Variants in RMST observed in about 807,000 individuals in gnomAD.
RMST encodes rhabdomyosarcoma 2 associated transcript.
chr12:97,488,002 C>CT (rs1327241435), intron 5 of RMST, among the ~76,000 whole-genome samples: 1 of 152,200 alleles, frequency 6.6e-6, no homozygotes, highest in African/African-American at 2.4e-5. Context: ...GCTGCTCACT[C>CT]TGTGAGACTT....
intron 11 of RMST, among the ~76,000 whole-genome samples, chr12:97,531,376 A>C (rs1881609255): frequency 6.6e-6 from 1 of 152,178 alleles, no homozygotes; most frequent in Admixed American, 6.5e-5. Context: ...TTTTAAAACA[A>C]CATTTATAAA....
chr12:97,543,224 C>T lies in RMST; in HGVS notation n.1545+12365C>T, dbSNP rs186351899. On this transcript the variant is annotated intron_variant and non_coding_transcript_variant, in intron 11 of 13. Transcript: ENST00000640149. ...GAAGCAGTTACTTAGAATGTCAGCA[C>T]GAGCATTCCTTCCAGGAGGAAAGCA... Among the ~76,000 whole-genome samples the T allele has an allele frequency of 3.5e-3, 532 of 152,112 alleles. 2 individuals are homozygous for T. The highest frequency in any genetic ancestry group is 7.9e-3 in the Admixed American group (121 of 15,252).
chr12:97,486,056 A>T (rs913281555), intron 5 of RMST, among the ~76,000 whole-genome samples: 6 of 152,226 alleles, frequency 3.9e-5, no homozygotes, highest in African/African-American at 1.4e-4. Flanking sequence ...TATTTATTCT[A>T]CAATACTAGC....
At chr12:97,467,360 A>C (rs1873320341) in intron 5 of RMST, among the ~76,000 whole-genome samples, 2 of 152,042 alleles carry the variant, frequency 1.3e-5, no homozygotes, top group Admixed American at 1.3e-4. Flanking sequence ...ATCAATTTTC[A>C]TGTAAGTCAA....
chr12:97,563,483 AT>A (rs539477837), intron 13 of RMST: 218 of 256,156 alleles, frequency 8.5e-4, no homozygotes, highest in African/African-American at 4.8e-3. Flanking sequence ...TGCATCAGTG[AT>A]TTGTCTGTCT....
In RMST at chr12:97,486,849, G is replaced by T. The variant is rs1431261300; in HGVS notation, n.645-5612G>T. 2.0e-5 allele frequency among the ~76,000 whole-genome samples: 3 copies of T among 152,162 alleles called. No homozygotes were observed. The East Asian group carries it at 5.8e-4, about 29-fold the overall frequency. On this transcript the variant is annotated intron_variant and non_coding_transcript_variant, in intron 5 of 13. Coordinates refer to ENST00000640149, the Ensembl canonical transcript of RMST. ...ATTCTGTCAACATTCTGGAACGACT[G>T]TAATTTTGCACAATCAAGCAAAATG...
At chr12:97,476,678 C>T (rs557411482) in intron 5 of RMST, among the ~76,000 whole-genome samples, 2 of 152,122 alleles carry the variant, frequency 1.3e-5, no homozygotes, top group Admixed American at 6.5e-5. Context: ...TTGCATAATA[C>T]TTTCTATTTT....
At chr12:97,540,891 ATC>A (rs767488055) in intron 11 of RMST, among the ~76,000 whole-genome samples, 12 of 151,496 alleles carry the variant, frequency 7.9e-5, no homozygotes, top group Admixed American at 3.3e-4. Context: ...AAAATTTCCA[ATC>A]ACTGTGAGTG....
intron 5 of RMST, among the ~76,000 whole-genome samples, chr12:97,490,934 C>CA (rs1876726013): frequency 6.6e-6 from 1 of 151,698 alleles, no homozygotes; most frequent in Non-Finnish European, 1.5e-5. Context: ...TTGGGATTGG[C>CA]AAAAAAAGAA....
At chr12:97,480,196 TCTCTTGCCTC>T (rs1290243643) in intron 5 of RMST, among the ~76,000 whole-genome samples, 1 of 151,682 alleles carries the variant, frequency 6.6e-6, no homozygotes, top group Non-Finnish European at 1.5e-5. Context: ...TTCATGCCAT[TCTCTTGCCTC>T]AGCCTCCCGA....
chr12:97,516,292 C>G (rs905381292), intron 10 of RMST, among the ~76,000 whole-genome samples: 9 of 151,944 alleles, frequency 5.9e-5, no homozygotes, highest in Non-Finnish European at 1.2e-4. Flanking sequence ...GTTTGTAAAC[C>G]ATGGCTTTGA....
chr12:97,551,832 G>A (rs888273447), intron 11 of RMST: 5 of 152,202 alleles, frequency 3.3e-5, no homozygotes, highest in African/African-American at 1.2e-4. Context: ...CCCCACATAG[G>A]AACGACTATG....
chr12:97,530,991 A>G (rs1387125167), intron 11 of RMST: 2 of 141,204 alleles, frequency 1.4e-5, no homozygotes, highest in Non-Finnish European at 3.1e-5. Context: ...GGGCATTTAT[A>G]GCATATTCTC....
intron 5 of RMST, among the ~76,000 whole-genome samples, chr12:97,482,836 AATTT>A (rs1254958216): frequency 6.8e-6 from 1 of 146,306 alleles, no homozygotes; most frequent in Non-Finnish European, 1.5e-5. Context: ...TTATTAAATA[AATTT>A]ATTTATTTAT....
At chr12:97,523,023 T>G (rs1162100566) in intron 10 of RMST, among the ~76,000 whole-genome samples, 1 of 152,240 alleles carries the variant, frequency 6.6e-6, no homozygotes, top group East Asian at 1.9e-4. Flanking sequence ...CAGAATTGTT[T>G]GAAGCTAGGC....
intron 11 of RMST, among the ~76,000 whole-genome samples, chr12:97,536,771 C>G (rs765668240): frequency 6.6e-6 from 1 of 151,360 alleles, no homozygotes; most frequent in Non-Finnish European, 1.5e-5. Flanking sequence ...AATCTCCATC[C>G]TAGATTATTC....
intron 4 of RMST, among the ~76,000 whole-genome samples, chr12:97,464,419 C>T (rs1424942539): frequency 1.3e-5 from 2 of 152,168 alleles, no homozygotes; most frequent in Non-Finnish European, 2.9e-5. Flanking sequence ...AAGATCCATT[C>T]GGAGCTTCCT....
chr12:97,491,807 C>CT (rs1361807079), intron 5 of RMST: 1 of 426,868 alleles, frequency 2.3e-6, no homozygotes, highest in Admixed American at 2.4e-5. Context: ...CGTGTCATGG[C>CT]TTTTTTGTCG....
At chr12:97,539,563 C>A (rs1164243748) in intron 11 of RMST, among the ~76,000 whole-genome samples, 1 of 151,600 alleles carries the variant, frequency 6.6e-6, no homozygotes, top group Non-Finnish European at 1.5e-5. Flanking sequence ...GTACAGCAAT[C>A]TATTCTAAAC....
Sources: allele counts gnomAD v4.1 joint callset (sites outside exome capture counted in the v4.1 genomes callset), GRCh38; gene constraint gnomAD v4.1.1; transcripts MANE v1.5; gene names NCBI Gene and HGNC (gene_info 2026-07-23, HGNC 2026-07-21).